Variants in STXBP5L observed in about 807,000 individuals in gnomAD.
The protein encoded by STXBP5L is syntaxin binding protein 5L.
In STXBP5L, 65 loss-of-function variants were observed where a neutral mutation model predicts 144.5. That is an observed-to-expected ratio of 0.45 (90% confidence interval 0.37 to 0.55). STXBP5L has a LOEUF of 0.55. Ranked by LOEUF, STXBP5L falls within the 20% of genes least tolerant of loss-of-function variation. The pLI is 0.00. For missense variants in STXBP5L, 1,298 were observed against 1,405.5 expected (o/e 0.92, Z 1.22); for synonymous variants, 505 against 469.6 (o/e 1.08, Z -0.97).
chr3:121,303,159 T>A (rs1299385852), intron 19 of STXBP5L, among the ~76,000 whole-genome samples: 1 of 152,138 alleles, frequency 6.6e-6, no homozygotes. Flanking sequence ...ATCCAGAATC[T>A]ACAATGAACT....
intron 3 of STXBP5L, among the ~76,000 whole-genome samples, chr3:120,978,382 G>C (rs922558205): frequency 6.6e-6 from 1 of 152,096 alleles, no homozygotes; most frequent in Non-Finnish European, 1.5e-5. Flanking sequence ...TCAAGCCTTG[G>C]CTTTCAGCTC....
chr3:121,145,567 T>C (rs1047138069), intron 7 of STXBP5L, among the ~76,000 whole-genome samples: 3 of 151,916 alleles, frequency 2.0e-5, no homozygotes, highest in Non-Finnish European at 2.9e-5. Context: ...AAAAGACTTG[T>C]TTAAGCAAAT....
At chr3:121,053,297 C>T (rs1047103605) in intron 5 of STXBP5L, among the ~76,000 whole-genome samples, 1 of 152,054 alleles carries the variant, frequency 6.6e-6, no homozygotes, top group Non-Finnish European at 1.5e-5. Context: ...AATCCTAAGC[C>T]AAAAGAACAA....
rs1430003844 is a variant in STXBP5L at position 121,045,388 on chromosome 3, C to G, written c.370-47C>G. The G allele has an allele frequency of 2.0e-6, 3 of 1,527,282 alleles. No individual in the cohort carries two copies. In the East Asian group the frequency reaches 7.0e-5, roughly 36 times the overall value. 94.6% of individuals were successfully genotyped at this position (1,527,282 alleles called of 1,614,324 possible). A position where few individuals can be genotyped will look rare whatever the true frequency, so the allele number is the denominator to read the frequency against. On this transcript the variant is annotated intron_variant, in intron 4 of 26. Coordinates refer to ENST00000471454, the MANE Select transcript of STXBP5L (RefSeq NM_001308330.2). ...TAGCTTGTTTGTGATTAAAAAAACCCTAAATTAAGTAAATCACACACTTAC... is the reference window on the plus strand; with the variant it reads ...TAGCTTGTTTGTGATTAAAAAAACCGTAAATTAAGTAAATCACACACTTAC...
chr3:121,185,856 A>G (rs371432020), intron 9 of STXBP5L, among the ~76,000 whole-genome samples: 19 of 152,262 alleles, frequency 1.2e-4, no homozygotes, highest in South Asian at 1.0e-3. Flanking sequence ...AGCTTGATGG[A>G]GATGGCATTG....
chr3:121,166,617 G>T (rs747708706), intron 9 of STXBP5L, among the ~76,000 whole-genome samples: 2 of 151,996 alleles, frequency 1.3e-5, no homozygotes, highest in African/African-American at 4.8e-5. Flanking sequence ...TCTAATGTCT[G>T]CATTTATTGG....
chr3:121,336,722 C>G (rs1164185067), intron 20 of STXBP5L, among the ~76,000 whole-genome samples: 5 of 152,086 alleles, frequency 3.3e-5, no homozygotes, highest in Non-Finnish European at 7.4e-5. Flanking sequence ...GAAAACACAT[C>G]TAACATCTGA....
chr3:121,364,496 T>A (rs1393949281), intron 20 of STXBP5L, among the ~76,000 whole-genome samples: 2 of 148,936 alleles, frequency 1.3e-5, no homozygotes, highest in Non-Finnish European at 3.0e-5. Flanking sequence ...AAAAAAAAAA[T>A]GGATTTTCAT....
intron 2 of STXBP5L, among the ~76,000 whole-genome samples, chr3:120,949,287 TTGAG>T (rs1209228274): frequency 2.0e-5 from 3 of 152,072 alleles, no homozygotes; most frequent in African/African-American, 7.2e-5. Flanking sequence ...GCTGATTTGT[TTGAG>T]TTTCTTGTAG....
At chr3:121,362,311 G>T (rs965558994) in intron 20 of STXBP5L, among the ~76,000 whole-genome samples, 2 of 152,146 alleles carry the variant, frequency 1.3e-5, no homozygotes, top group Non-Finnish European at 2.9e-5. Flanking sequence ...TTCACTCAAG[G>T]TCCTGGGGCT....
chr3:121,173,162 C>T (rs1209781721), intron 9 of STXBP5L, among the ~76,000 whole-genome samples: 1 of 151,842 alleles, frequency 6.6e-6, no homozygotes, highest in East Asian at 1.9e-4. Flanking sequence ...GGGAACATCA[C>T]ACAATGGGGC....
At chr3:121,337,335 C>T (rs1279885612) in intron 20 of STXBP5L, among the ~76,000 whole-genome samples, 4 of 149,908 alleles carry the variant, frequency 2.7e-5, no homozygotes, top group African/African-American at 4.9e-5. Context: ...CTTACAAACT[C>T]GAGGTAAAGG....
intron 11 of STXBP5L, among the ~76,000 whole-genome samples, chr3:121,231,955 C>T (rs1334357875): frequency 1.3e-5 from 2 of 152,142 alleles, no homozygotes; most frequent in African/African-American, 4.8e-5. Context: ...ACAGACAAGG[C>T]TCAAACTTGT....
intron 2 of STXBP5L, among the ~76,000 whole-genome samples, chr3:120,948,780 A>G (rs75735071): frequency 2.0e-5 from 3 of 151,916 alleles, no homozygotes; most frequent in Non-Finnish European, 2.9e-5. Flanking sequence ...TATATATACC[A>G]CATTCTCTTT....
intron 6 of STXBP5L, among the ~76,000 whole-genome samples, chr3:121,120,447 A>G (rs891932970): frequency 6.6e-6 from 1 of 151,252 alleles, no homozygotes; most frequent in African/African-American, 2.4e-5. Context: ...CTAATTTCCA[A>G]TTATCACATC....
chr3:121,356,313 G>A (rs2045512028), intron 20 of STXBP5L, among the ~76,000 whole-genome samples: 1 of 152,202 alleles, frequency 6.6e-6, no homozygotes, highest in Non-Finnish European at 1.5e-5. Flanking sequence ...AAGTCTAAAG[G>A]CAGTAGGCCT....
At chr3:121,028,551 A>G (rs1485121726) in intron 3 of STXBP5L, among the ~76,000 whole-genome samples, 1 of 152,110 alleles carries the variant, frequency 6.6e-6, no homozygotes, top group Non-Finnish European at 1.5e-5. Flanking sequence ...CTATAGTAGA[A>G]ACATCAAAAA....
At chr3:121,056,334 A>T (rs1948458000) in intron 5 of STXBP5L, among the ~76,000 whole-genome samples, 1 of 152,134 alleles carries the variant, frequency 6.6e-6, no homozygotes, top group African/African-American at 2.4e-5. Context: ...TTTGAGTGAA[A>T]TTCAAATGTA....
chr3:120,914,923 C>T lies in STXBP5L; in HGVS notation c.189+5156C>T, dbSNP rs368974182. Among the ~76,000 whole-genome samples the T allele has an allele frequency of 4.6e-5, 7 of 152,210 alleles. 1 individual carries two copies. Among genetic ancestry groups the T allele is most frequent in the African/African-American group, 1.4e-4 (6 of 41,554 alleles). On this transcript the variant is annotated intron_variant, in intron 2 of 26. Transcript: ENST00000471454. ...AAGCCAGATGACTCAGTACTCCAGG[C>T]TGTCTGCTTTGCTTATCCTGAGAGC...
Sources: allele counts gnomAD v4.1 joint callset (sites outside exome capture counted in the v4.1 genomes callset), GRCh38; gene constraint gnomAD v4.1.1; transcripts MANE v1.5; gene names NCBI Gene and HGNC (gene_info 2026-07-23, HGNC 2026-07-21).